The following VLDLR variants were observed in gnomAD, a reference collection of about 807,000 sequenced individuals.
VLDLR encodes the protein very low density lipoprotein receptor.
Under a neutral mutation model 112.7 loss-of-function variants are expected in VLDLR, and 81 were observed. The ratio of observed to expected loss-of-function variants is 0.72; its 90% confidence interval spans 0.60 to 0.86. The LOEUF (loss-of-function observed/expected upper bound fraction) is 0.86. VLDLR is among the 40% of genes least tolerant of loss of function. The probability of loss-of-function intolerance (pLI) is 0.00; values close to 1 mark genes in which losing one functional copy is unlikely to be tolerated. For missense variants in VLDLR, 1,237 were observed against 1,099.4 expected (o/e 1.13, Z -1.77); for synonymous variants, 436 against 384.8 (o/e 1.13, Z -1.56).
At position 2,655,457 on chromosome 9, in the gene VLDLR, G is replaced by A. The variant is rs985519586; in HGVS notation, c.*1589G>A. 1.3e-5 allele frequency: 2 copies of A among 152,134 alleles called. No individual in the cohort carries two copies. The highest frequency in any genetic ancestry group is 4.8e-5 in the African/African-American group (2 of 41,420). 9.4% of individuals were successfully genotyped at this position (152,134 alleles called of 1,614,324 possible). On this transcript the variant is annotated 3_prime_UTR_variant, in exon 19 of 19. Transcript: ENST00000382100. ...CTGTGGAAGGTACAGCAATTCCTCT[G>A]GAATTAAATGACCGACCAACACAGT... is the stretch of plus-strand genomic sequence containing the variant.
intron 1 of VLDLR, among the ~76,000 whole-genome samples, chr9:2,623,395 T>C (rs970646133): frequency 1.3e-5 from 2 of 152,240 alleles, no homozygotes; most frequent in Admixed American, 1.3e-4. Context: ...TGCAGGGAAT[T>C]GGGACTGAAA....
chr9:2,621,884 TC>T lies in VLDLR; in HGVS notation c.-303del, dbSNP rs1816794978. ...TCTCGGCTCCCCACCCCCTCTCCCTTCCCTCCTCTCCCCTTGCCTCCCCTCC... is the reference window on the plus strand; with the variant it reads ...TCTCGGCTCCCCACCCCCTCTCCCTTCCTCCTCTCCCCTTGCCTCCCCTCC... On this transcript the variant is annotated 5_prime_UTR_variant, in exon 1 of 19. Transcript: ENST00000382100. 1.7e-6 allele frequency: 1 copy of T among 597,810 alleles called. No individual in the cohort carries two copies. The highest frequency in any genetic ancestry group is 1.9e-5 in the African/African-American group (1 of 53,906). The allele number at this position is 597,810 out of a possible 1,614,324, so 37.0% of individuals were successfully genotyped here.
At chr9:2,653,118 T>A (rs962835173) in intron 18 of VLDLR, among the ~76,000 whole-genome samples, 169 bp downstream of exon 18, 9 of 152,182 alleles carry the variant, frequency 5.9e-5, no homozygotes, top group African/African-American at 1.9e-4. Context: ...AGTCACTCAG[T>A]TGATCAGCAT....
intron 14 of VLDLR, among the ~76,000 whole-genome samples, chr9:2,649,991 T>C (rs555143246): frequency 1.2e-4 from 19 of 152,310 alleles, no homozygotes; most frequent in African/African-American, 4.3e-4. Context: ...TTCCACTTTG[T>C]TGGAGCAAGT....
chr9:2,643,093 T>A lies in VLDLR; in HGVS notation c.449-67T>A. The A allele has an allele frequency of 3.8e-6, 6 of 1,595,982 alleles. No homozygotes were observed. In the South Asian group the frequency reaches 6.7e-5, roughly 18 times the overall value. ...TGAATAAAGATCAATGTATTAGATT[T>A]TGGGACAAGAATCTTGAACGGACCA... On this transcript the variant is annotated intron_variant, in intron 4 of 18. Transcript: ENST00000382100.
At chr9:2,637,388 T>C (rs148983004) in intron 2 of VLDLR, among the ~76,000 whole-genome samples, 1 of 152,348 alleles carries the variant, frequency 6.6e-6, no homozygotes, top group East Asian at 1.9e-4. Flanking sequence ...CTCATTCTTT[T>C]ATAATGTTAG....
At position 2,659,314 on chromosome 9, in the gene VLDLR, C is replaced by T. The variant is rs1818719329; in HGVS notation, c.*5446C>T. 6.6e-6 allele frequency: 1 copy of T among 152,184 alleles called. No homozygotes were observed. The highest frequency in any genetic ancestry group is 2.4e-5 in the African/African-American group (1 of 41,432). The allele number at this position is 152,184 out of a possible 1,614,324, so 9.4% of individuals were successfully genotyped here. On this transcript the variant is annotated 3_prime_UTR_variant, in exon 19 of 19. Coordinates refer to ENST00000382100, the MANE Select transcript of VLDLR (RefSeq NM_003383.5). The stretch of plus-strand genomic sequence containing the variant: ...TGTCGCATTGCATGTTTGCTGAGTC[C>T]TCCTCATTGCTGATGTTAGGATCCT...
chr9:2,631,112 AC>A (rs1817332197), intron 1 of VLDLR, among the ~76,000 whole-genome samples: 1 of 152,246 alleles, frequency 6.6e-6, no homozygotes, highest in African/African-American at 2.4e-5. Flanking sequence ...AACCAAAATG[AC>A]ATATAATCTT....
rs761966145 is a variant in VLDLR at position 2,651,932 on chromosome 9, C to T, written c.2394C>T (p.Ala798=). The change falls in exon 17 of 19, where the codon GCC becomes GCT. Residue 798 remains alanine, a synonymous_variant. Transcript: ENST00000382100. ...EVSVPPKGTS[A]AWAILPLLLL... is the part of the protein sequence containing the mutation. ...GTGTTCCCCCAAAAGGGACTTCTGC[C>T]GCATGGGCCATTCTTCCTCTCTGTA... 3.6e-5 allele frequency: 58 copies of T among 1,614,072 alleles called. No individual in the cohort carries two copies. In the Middle Eastern group the frequency reaches 5.0e-4, roughly 14 times the overall value.
chr9:2,632,036 G>T (rs576350336), intron 1 of VLDLR, among the ~76,000 whole-genome samples: 1 of 152,128 alleles, frequency 6.6e-6, no homozygotes, highest in East Asian at 1.9e-4. Flanking sequence ...AGAATTTTTT[G>T]ACGCTCCAGG....
rs35203668 is a variant in VLDLR at position 2,638,246 on chromosome 9, T to A, written c.203-1613T>A. On this transcript the variant is annotated intron_variant, in intron 2 of 18. Coordinates refer to ENST00000382100, the MANE Select transcript of VLDLR (RefSeq NM_003383.5). ...TGTGTAATTCAAGGAGATAATCCTT[T>A]ATAGATCATCATAATTTGTCAACCC... Among the ~76,000 whole-genome samples the A allele has an allele frequency of 2.3e-3, 343 of 152,316 alleles. 1 individual carries two copies. The highest frequency in any genetic ancestry group is 8.0e-3 in the African/African-American group (331 of 41,574).
At chr9:2,627,331 C>T (rs554619634) in intron 1 of VLDLR, among the ~76,000 whole-genome samples, 11 of 152,292 alleles carry the variant, frequency 7.2e-5, no homozygotes, top group Admixed American at 5.9e-4. Flanking sequence ...GATAATCCTA[C>T]AAAAGTGATA....
At chr9:2,651,362 C>A in intron 15 of VLDLR, 53 bp from the exon 16 acceptor site, 1 of 1,512,360 alleles carries the variant, frequency 6.6e-7, no homozygotes, top group Non-Finnish European at 9.2e-7. Flanking sequence ...GACAAAACAG[C>A]TAGCCATGCT....
rs1208618067 is a variant in VLDLR, at chr9:2,659,628, C to G, written c.*5760C>G. ...GAAAACAAACTGTACCACAACAAAT[C>G]TTAAGTTTCAAGGCTCTCCTATAGG... is the stretch of plus-strand genomic sequence containing the variant. On this transcript the variant is annotated 3_prime_UTR_variant, in exon 19 of 19. Coordinates refer to ENST00000382100, the MANE Select transcript of VLDLR (RefSeq NM_003383.5). The G allele has an allele frequency of 6.6e-6, 1 of 152,176 alleles. No individual in the cohort carries two copies. The highest frequency in any genetic ancestry group is 1.5e-5 in the Non-Finnish European group (1 of 68,030). The allele number at this position is 152,176 out of a possible 1,614,324, so 9.4% of individuals were successfully genotyped here.
chr9:2,646,458 A>G lies in VLDLR; in HGVS notation c.1609A>G (p.Ile537Val). ...IYWTDAASKTISVATLDGTKR... is the reference protein window; with the variant it reads ...IYWTDAASKTVSVATLDGTKR... ...CTGGACTGATGCGGCTTCTAAGACT[A>G]TTTCAGTAGCTACCCTAGATGGAAC... The change falls in exon 11 of 19, where the codon ATT (isoleucine) becomes GTT (valine). Residue 537 changes from isoleucine (I) to valine (V), a missense_variant. Ile to Val is a conservative substitution (Grantham distance 29, BLOSUM62 3). Transcript: ENST00000382100. 6.2e-7 allele frequency: 1 copy of G among 1,614,132 alleles called. No homozygotes were observed. The highest frequency in any genetic ancestry group is 1.1e-5 in the South Asian group (1 of 91,080).
At chr9:2,622,628 G>A (rs1481756556) in intron 1 of VLDLR, among the ~76,000 whole-genome samples, 3 of 152,256 alleles carry the variant, frequency 2.0e-5, no homozygotes, top group Non-Finnish European at 2.9e-5. Context: ...TCCTCTGCCA[G>A]GCGCAGTGTT....
rs368621966 is a variant in VLDLR, at chr9:2,643,916, G to T, written c.1023G>T (p.Glu341Asp). 50 of 1,614,006 alleles carry T rather than the reference G, an allele frequency of 3.1e-5. No individual in the cohort carries two copies. The highest frequency in any genetic ancestry group is 4.1e-5 in the Non-Finnish European group (48 of 1,180,038). Residue 341 changes from glutamate to aspartate, a missense_variant, in exon 7 of 19, where the codon GAG becomes GAT. Physicochemically the swap from Glu to Asp is conservative, Grantham distance 45. Coordinates refer to ENST00000382100, the MANE Select transcript of VLDLR (RefSeq NM_003383.5). ...CIDISKVCNQ[E>D]QDCRDWSDEP... ...ATATCAGCAAAGTATGTAACCAGGA[G>T]CAGGACTGCAGGGACTGGAGTGATG...
chr9:2,624,217 A>T (rs1330210591), intron 1 of VLDLR, among the ~76,000 whole-genome samples: 3 of 152,212 alleles, frequency 2.0e-5, no homozygotes, highest in Admixed American at 2.0e-4. Context: ...ATGGAAAAAC[A>T]AATTCTTCAA....
At chr9:2,636,717 C>A (rs1186130227) in intron 2 of VLDLR, among the ~76,000 whole-genome samples, 2 of 152,210 alleles carry the variant, frequency 1.3e-5, no homozygotes, top group African/African-American at 2.4e-5. Context: ...AGATTTTAAT[C>A]TATTCCACAA....
Sources: allele counts gnomAD v4.1 joint callset (sites outside exome capture counted in the v4.1 genomes callset), GRCh38; gene constraint gnomAD v4.1.1; transcripts MANE v1.5; gene names NCBI Gene and HGNC (gene_info 2026-07-23, HGNC 2026-07-21).